Variants in VPS37A observed in about 807,000 individuals in gnomAD.
VPS37A encodes the protein vacuolar protein sorting-associated protein 37A.
A neutral mutation model predicts 49.8 loss-of-function variants in VPS37A; 30 were observed. The ratio of observed to expected loss-of-function variants is 0.60; its 90% confidence interval spans 0.45 to 0.82. VPS37A has a LOEUF of 0.82. Among genes scored for constraint, VPS37A ranks in the 40% least tolerant of loss-of-function variants. VPS37A has a pLI of 0.00. For missense variants in VPS37A, 593 were observed against 464.4 expected, an observed-to-expected ratio of 1.28 and a Z score of -2.55; for synonymous variants, 195 against 160.6, an observed-to-expected ratio of 1.21 and a Z score of -1.62.
intron 1 of VPS37A, among the ~76,000 whole-genome samples, chr8:17,252,109 G>A (rs982835351): frequency 6.6e-6 from 1 of 152,150 alleles, no homozygotes; most frequent in Admixed American, 6.6e-5. Context: ...ATATTTTTAT[G>A]AAAAGCATTT....
the VPS37A span, among the ~76,000 whole-genome samples, chr8:17,311,247 ATATTT>A: frequency 3.3e-5 from 5 of 152,200 alleles, no homozygotes; most frequent in African/African-American, 9.7e-5. Flanking sequence ...ACTACCAAAT[ATATTT>A]TATATTTGCC....
intron 3 of VPS37A, 126 bp from the exon 4 acceptor site, chr8:17,268,730 A>G: frequency 2.9e-6 from 2 of 682,274 alleles, no homozygotes; most frequent in South Asian, 1.8e-5. Context: ...GTTAATTGCT[A>G]ATATCCTTTT....
intron 1 of VPS37A, among the ~76,000 whole-genome samples, chr8:17,264,693 G>A (rs559651003): frequency 1.4e-4 from 22 of 152,118 alleles, no homozygotes; most frequent in Non-Finnish European, 3.1e-4. Flanking sequence ...GCATCCAAAA[G>A]AACAAAAAGC....
At chr8:17,312,836 T>A in the VPS37A span, among the ~76,000 whole-genome samples, 3 of 152,110 alleles carry the variant, frequency 2.0e-5, no homozygotes, top group African/African-American at 4.8e-5. Flanking sequence ...ACAAAAGACA[T>A]TGCATTCTAA....
At chr8:17,256,254 CTT>C (rs1259072053) in intron 1 of VPS37A, among the ~76,000 whole-genome samples, 3 of 110,516 alleles carry the variant, frequency 2.7e-5, no homozygotes, top group Non-Finnish European at 3.7e-5. Context: ...TATTGCCTGG[CTT>C]TTTGATAAAA....
chr8:17,276,993 G>A (rs554287745), intron 6 of VPS37A, among the ~76,000 whole-genome samples: 1 of 151,920 alleles, frequency 6.6e-6, no homozygotes, highest in Non-Finnish European at 1.5e-5. Flanking sequence ...ATGGTTTTTT[G>A]CCATTCAGTT....
At chr8:17,265,368 A>C (rs1416799779) in intron 1 of VPS37A, among the ~76,000 whole-genome samples, 1 of 152,256 alleles carries the variant, frequency 6.6e-6, no homozygotes, top group Non-Finnish European at 1.5e-5. Flanking sequence ...AGAACTAACT[A>C]GAACATTGCT....
chr8:17,263,535 A>T (rs985396352), intron 1 of VPS37A, among the ~76,000 whole-genome samples: 5 of 147,566 alleles, frequency 3.4e-5, no homozygotes, highest in Admixed American at 1.4e-4. Context: ...CATAAAAAAA[A>T]TTTTAGGAAC....
At chr8:17,326,499 A>G in the VPS37A span, 1 of 152,206 alleles carries the variant, frequency 6.6e-6, no homozygotes, top group East Asian at 1.9e-4. Context: ...CAGAATCACT[A>G]CTCAACAACG....
In VPS37A at chr8:17,284,513, C is replaced by A; in HGVS notation, c.1010C>A (p.Ala337Asp). The change falls in exon 10 of 12, where the codon GCT becomes GAT. Residue 337 changes from alanine to aspartate, a missense_variant. Coordinates refer to ENST00000324849, the MANE Select transcript of VPS37A (RefSeq NM_152415.3). ...ASALQARLKV[A>D]AHEAEEESDN... ...GCCCTTCAGGCAAGATTGAAAGTAG[C>A]TGCACATGAAGCTGAGGAAGAATCT... is the stretch of plus-strand genomic sequence containing the variant. The A allele has an allele frequency of 6.3e-7, 1 of 1,597,450 alleles. No homozygotes were observed. Among genetic ancestry groups the A allele is most frequent in the Non-Finnish European group, 8.5e-7 (1 of 1,174,978 alleles).
At position 17,248,240 on chromosome 8, in the gene VPS37A, A is replaced by G. The variant is rs78233649; in HGVS notation, c.125+871A>G. 1,441 of 432,872 alleles carry G rather than the reference A, an allele frequency of 3.3e-3. 17 individuals carry two copies. Among genetic ancestry groups the G allele is most frequent in the African/African-American group, 0.026 (1,232 of 47,832 alleles). 26.8% of individuals were successfully genotyped at this position (432,872 alleles called of 1,614,324 possible). A position where few individuals can be genotyped will look rare whatever the true frequency, so the allele number is the denominator to read the frequency against. ...CACACTATTTTAAATAAAGATGACA[A>G]CATTGTTAAGTCCCTAACCCCTTTT... is the stretch of plus-strand genomic sequence containing the variant. On this transcript the variant is annotated intron_variant, in intron 1 of 11. Coordinates refer to ENST00000324849, the MANE Select transcript of VPS37A (RefSeq NM_152415.3).
the VPS37A span, chr8:17,313,213 C>G: frequency 9.8e-7 from 1 of 1,024,184 alleles, no homozygotes; most frequent in Non-Finnish European, 1.5e-6. Context: ...ACAGGGAAGC[C>G]CATGGCAGAG....
the VPS37A span, chr8:17,331,052 C>T: frequency 7.2e-7 from 1 of 1,396,862 alleles, no homozygotes; most frequent in Non-Finnish European, 9.7e-7. Flanking sequence ...AATTATCACA[C>T]CTATGTAAAA....
chr8:17,296,701 T>G lies in VPS37A; in HGVS notation c.*1715T>G, dbSNP rs2150442231. 6.6e-6 allele frequency: 1 copy of G among 152,264 alleles called. No homozygotes were observed. The highest frequency in any genetic ancestry group is 6.5e-5 in the Admixed American group (1 of 15,286). 9.4% of individuals were successfully genotyped at this position (152,264 alleles called of 1,614,324 possible). A position where few individuals can be genotyped will look rare whatever the true frequency, so the allele number is the denominator to read the frequency against. On this transcript the variant is annotated 3_prime_UTR_variant, in exon 12 of 12. Transcript: ENST00000324849. ...AATACTATACAAAGATAAACATTGTTTAGATGCTTATCTACTTTCCTTTTC... is the reference window on the plus strand; with the variant it reads ...AATACTATACAAAGATAAACATTGTGTAGATGCTTATCTACTTTCCTTTTC...
the VPS37A span, among the ~76,000 whole-genome samples, chr8:17,314,087 A>T: frequency 6.6e-6 from 1 of 152,220 alleles, no homozygotes; most frequent in African/African-American, 2.4e-5. Context: ...AAACACCTCT[A>T]TAATATTATA....
chr8:17,305,964 A>T (rs1817425287), downstream of VPS37A: 1 of 1,606,116 alleles, frequency 6.2e-7, no homozygotes, highest in Non-Finnish European at 8.5e-7. Context: ...ATATCTATAA[A>T]ACAAAGCATT....
downstream of VPS37A, among the ~76,000 whole-genome samples, chr8:17,301,326 T>A (rs1173261772): frequency 6.6e-6 from 1 of 152,120 alleles, no homozygotes; most frequent in Admixed American, 6.5e-5. Context: ...ACAGAGTAAG[T>A]TTCAGGGAGG....
chr8:17,287,314 T>G (rs1815695877), intron 11 of VPS37A, among the ~76,000 whole-genome samples: 1 of 152,160 alleles, frequency 6.6e-6, no homozygotes, highest in African/African-American at 2.4e-5. Context: ...CCAAAACAGC[T>G]CTTCTCACAC....
chr8:17,308,869 C>T, the VPS37A span, among the ~76,000 whole-genome samples: 6 of 152,296 alleles, frequency 3.9e-5, no homozygotes, highest in East Asian at 3.9e-4. Context: ...AACTGCACTC[C>T]GATACAAATG....
Sources: gnomAD v4.1 joint callset for allele counts (sites outside exome capture counted in the v4.1 genomes callset) on GRCh38, gnomAD v4.1.1 for gene constraint, MANE v1.5 for transcripts, NCBI Gene and HGNC (gene_info 2026-07-23, HGNC 2026-07-21) for gene names.